Variants in ABCA7 observed in about 807,000 individuals in gnomAD.
ABCA7 encodes the protein ATP binding cassette subfamily A member 7.
A neutral mutation model predicts 227.6 loss-of-function variants in ABCA7; 261 were observed. That is an observed-to-expected ratio of 1.15 (90% CI 1.04 to 1.27). The LOEUF (loss-of-function observed/expected upper bound fraction) is 1.27, where lower values mean the gene tolerates loss of function less well. Among genes scored for constraint, ABCA7 ranks in the 50% most tolerant of loss-of-function variants. ABCA7 has a pLI of 0.00. For synonymous variants in ABCA7, 1,488 were observed against 1,279.7 expected (o/e 1.16, Z -3.47); for missense variants, 3,331 against 2,924.5 (o/e 1.14, Z -3.21).
intron 40 of ABCA7, among the ~76,000 whole-genome samples, chr19:1,061,216 C>T (rs1221431830): frequency 6.6e-6 from 1 of 150,640 alleles, no homozygotes; most frequent in Non-Finnish European, 1.5e-5. Context: ...GGCCAACATG[C>T]CAAAACCCCG....
rs2040535370 is a variant in ABCA7, at chr19:1,045,505, T to C, written c.1445+274T>C. 6.3e-6 allele frequency: 3 copies of C among 473,722 alleles called. No homozygotes were observed. The South Asian group carries it at 7.9e-5, about 12-fold the overall frequency. The allele number at this position is 473,722 out of a possible 1,614,324, so 29.3% of individuals were successfully genotyped here. ...ATGGTGGGCGGAGCCAGGTGTATTA[T>C]TAGGTCCCTGGAATAAGGGTGGAGC... On this transcript the variant is annotated intron_variant, in intron 12 of 46. Coordinates refer to ENST00000263094, the MANE Select transcript of ABCA7 (RefSeq NM_019112.4).
intron 40 of ABCA7, among the ~76,000 whole-genome samples, chr19:1,060,638 G>T (rs111745465): frequency 0.12 from 17,994 of 151,574 alleles, 1,416 homozygotes; most frequent in African/African-American, 0.22. Flanking sequence ...TCCTGCCTCA[G>T]CCTCCTGAGT....
intron 16 of ABCA7, among the ~76,000 whole-genome samples, chr19:1,048,470 T>G (rs539231691): frequency 2.0e-3 from 211 of 107,446 alleles, no homozygotes; most frequent in African/African-American, 7.6e-3. Context: ...CACTCCAGCC[T>G]GGGCAACAAG....
chr19:1,042,113 G>C lies in ABCA7; in HGVS notation c.352G>C (p.Ala118Pro). The change falls in exon 5 of 47, where the codon GCC (alanine) becomes CCC (proline). Residue 118 changes from alanine (A) to proline (P), a missense_variant. Transcript: ENST00000263094. ...CCGCACTGTGCTGGGAGGGGCCAGT[G>C]CCCACAGGACGCTGGCTGGCCTAGG... is the stretch of plus-strand genomic sequence containing the variant. Reference protein sequence around the residue: ...DARTVLGGASAHRTLAGLGKL... With the variant: ...DARTVLGGASPHRTLAGLGKL... 6.3e-7 allele frequency: 1 copy of C among 1,599,062 alleles called. No individual in the cohort carries two copies. The highest frequency in any genetic ancestry group is 8.5e-7 in the Non-Finnish European group (1 of 1,179,024).
At position 1,057,947 on chromosome 19, in the gene ABCA7, CCTT is replaced by C. The variant is rs779980536; in HGVS notation, c.4922_4924del (p.Phe1641del). On this transcript the variant is annotated inframe_deletion, in exon 36 of 47. Coordinates refer to ENST00000263094, the MANE Select transcript of ABCA7 (RefSeq NM_019112.4). ...ATCACACCGCTCATGTACCCAGCCT[CCTT>C]CTTCTTCTCCGTGCCCAGCACAGCC... is the stretch of plus-strand genomic sequence containing the variant. 49 of 1,614,076 alleles carry C rather than the reference CCTT, an allele frequency of 3.0e-5. No homozygotes were observed. The East Asian group carries it at 3.3e-4, about 11-fold the overall frequency.
intron 17 of ABCA7, 25 bp from the exon 18 acceptor site, chr19:1,049,241 G>C (rs759358892): frequency 6.4e-7 from 1 of 1,574,308 alleles, no homozygotes; most frequent in Non-Finnish European, 8.7e-7. Flanking sequence ...TGACCTCCAT[G>C]GCTGAGTCCA....
chr19:1,058,764 G>A lies in ABCA7; in HGVS notation c.5279+17G>A. ...CCTGCCACAGTTAGTGAGGTCTATG[G>A]AGAGGGTGGCAGGGGCCAAGGACCT... On this transcript the variant is annotated intron_variant, in intron 38 of 46. Transcript: ENST00000263094. The A allele has an allele frequency of 6.2e-7, 1 of 1,610,402 alleles. No homozygotes were observed. The highest frequency in any genetic ancestry group is 8.5e-7 in the Non-Finnish European group (1 of 1,177,914).
rs372142602 is a variant in ABCA7, at chr19:1,062,235, C to G, written c.5634C>G (p.Ile1878Met). 25 of 1,612,212 alleles carry G rather than the reference C, an allele frequency of 1.6e-5. No individual in the cohort carries two copies. The highest frequency in any genetic ancestry group is 2.0e-5 in the Non-Finnish European group (24 of 1,179,824). ...GATACTGCCCTCAATCCGATGCCATCTTTGAGCTGCTGACGGGCCGCGAGC... is the reference window on the plus strand; with the variant it reads ...GATACTGCCCTCAATCCGATGCCATGTTTGAGCTGCTGACGGGCCGCGAGC... Reference protein sequence around the residue: ...SMGYCPQSDAIFELLTGREHL... With the variant: ...SMGYCPQSDAMFELLTGREHL... Residue 1878 changes from isoleucine (I) to methionine (M), a missense_variant, in exon 42 of 47, where the codon ATC (isoleucine) becomes ATG (methionine). Coordinates refer to ENST00000263094, the MANE Select transcript of ABCA7 (RefSeq NM_019112.4).
intron 42 of ABCA7, among the ~76,000 whole-genome samples, chr19:1,063,250 C>T (rs112205819): frequency 2.3e-5 from 3 of 130,330 alleles, no homozygotes; most frequent in Non-Finnish European, 5.0e-5. Flanking sequence ...CCACCCACAC[C>T]ATGGCCCCGC....
chr19:1,047,740 G>A (rs1029067171), intron 16 of ABCA7, 86 bp downstream of exon 16: 4 of 1,385,998 alleles, frequency 2.9e-6, no homozygotes, highest in African/African-American at 2.9e-5. Flanking sequence ...AGGCCGTTTG[G>A]GGGTGGGGGG....
intron 42 of ABCA7, 74 bp from the exon 43 acceptor site, chr19:1,063,470 G>C: frequency 1.9e-6 from 3 of 1,549,082 alleles, no homozygotes; most frequent in Non-Finnish European, 2.6e-6. Context: ...CTCAATGCTG[G>C]CCCCGCCACA....
chr19:1,062,386 GC>G, intron 42 of ABCA7, 73 bp downstream of exon 42: 2 of 1,564,654 alleles, frequency 1.3e-6, no homozygotes, highest in Non-Finnish European at 1.7e-6. Context: ...CTAAAGCCTG[GC>G]CCAATCCCGC....
At position 1,044,943 on chromosome 19, in the gene ABCA7, G is replaced by C. The variant is rs531555427; in HGVS notation, c.1216-59G>C. 1.6e-5 allele frequency: 26 copies of C among 1,579,118 alleles called. 1 individual carries two copies. In the East Asian group the frequency reaches 4.3e-4, roughly 26 times the overall value. ...AGCCCCGAGGTCCAGGGGGAGGAGC[G>C]GAGTGGTCTAGGAGGCAGGCGGACC... On this transcript the variant is annotated intron_variant, in intron 11 of 46. Coordinates refer to ENST00000263094, the MANE Select transcript of ABCA7 (RefSeq NM_019112.4).
At chr19:1,058,376 C>T in intron 37 of ABCA7, 107 bp downstream of exon 37, 2 of 1,503,424 alleles carry the variant, frequency 1.3e-6, no homozygotes. Context: ...AGGGAGACAG[C>T]CAGGGTTCTT....
chr19:1,064,954 C>T lies in ABCA7; in HGVS notation c.6068C>T (p.Thr2023Ile). 1.3e-6 allele frequency: 2 copies of T among 1,542,868 alleles called. No homozygotes were observed. Among genetic ancestry groups the T allele is most frequent in the Non-Finnish European group, 1.7e-6 (2 of 1,145,320 alleles). The change falls in exon 46 of 47, where the codon ACC becomes ATC. Residue 2023 changes from threonine to isoleucine, a missense_variant. Transcript: ENST00000263094. ...KGRFAAGHTL[T>I]LRVPAARSQP... is the part of the protein sequence containing the mutation. ...AGATTCGCGGCGGGTCACACACTGACCCTGCGGGTGCCCGCCGCAAGGTCC... is the reference window on the plus strand; with the variant it reads ...AGATTCGCGGCGGGTCACACACTGATCCTGCGGGTGCCCGCCGCAAGGTCC...
chr19:1,056,938 A>G lies in ABCA7; in HGVS notation c.4618A>G (p.Ile1540Val). ...CTCCTCGGTGGACGTCCTCGTCTCC[A>G]TCTGTGTGGTCTTTGCCATGTCCTT... is the stretch of plus-strand genomic sequence containing the variant. ...MASSVDVLVS[I>V]CVVFAMSFVP... The change falls in exon 34 of 47, where the codon ATC becomes GTC. Residue 1540 changes from isoleucine to valine, a missense_variant. Transcript: ENST00000263094. This position sits in a 1 kb window ranked among gnomAD's most constrained non-coding sequence, Gnocchi z 4.3. 1.2e-6 allele frequency: 2 copies of G among 1,613,926 alleles called. No individual in the cohort carries two copies. Among genetic ancestry groups the G allele is most frequent in the Non-Finnish European group, 1.7e-6 (2 of 1,179,944 alleles).
At chr19:1,050,067 A>C (rs1460165753) in intron 18 of ABCA7, among the ~76,000 whole-genome samples, 1 of 143,290 alleles carries the variant, frequency 7.0e-6, no homozygotes, top group Non-Finnish European at 1.5e-5. Flanking sequence ...CCCTGTGAGC[A>C]GTAATGGCGC....
chr19:1,055,113 G>A lies in ABCA7; in HGVS notation c.3967G>A (p.Val1323Ile), dbSNP rs1269801587. ...TGTCTGCAGGTTCTCGGCACCAGAAGTTCCTGCTGAAGTGGCCAAGGTCTT... is the reference window on the plus strand; with the variant it reads ...TGTCTGCAGGTTCTCGGCACCAGAAATTCCTGCTGAAGTGGCCAAGGTCTT... The part of the protein sequence containing the change: ...HSSHRFSAPE[V>I]PAEVAKVLAS... Residue 1323 changes from valine to isoleucine, a missense_variant, in exon 30 of 47, where the codon GTT becomes ATT. Coordinates refer to ENST00000263094, the MANE Select transcript of ABCA7 (RefSeq NM_019112.4). The A allele has an allele frequency of 3.7e-6, 6 of 1,612,328 alleles. No individual in the cohort carries two copies. In the South Asian group the frequency reaches 4.4e-5, roughly 12 times the overall value.
In ABCA7 at chr19:1,041,330, CCT is replaced by C. The variant is rs2040011501; in HGVS notation, c.-27_-26del. On this transcript the variant is annotated 5_prime_UTR_variant, in exon 2 of 47. Coordinates refer to ENST00000263094, the MANE Select transcript of ABCA7 (RefSeq NM_019112.4). ...GTCTTCAGCCCGACCGTTGTCCTGA[CCT>C]CTCTGTCCCGTCCCCTGCCCAGTCT... 1 of 1,612,332 alleles carries C rather than the reference CCT, an allele frequency of 6.2e-7. No homozygotes were observed. Among genetic ancestry groups the C allele is most frequent in the South Asian group, 1.1e-5 (1 of 91,052 alleles).
Sources: gnomAD v4.1 joint callset for allele counts (sites outside exome capture counted in the v4.1 genomes callset) on GRCh38, gnomAD v4.1.1 for gene constraint, Gnocchi (gnomAD v3.1) non-coding constraint, MANE v1.5 for transcripts, NCBI Gene and HGNC (gene_info 2026-07-23, HGNC 2026-07-21) for gene names.